The following QPCT variants were observed in gnomAD, a reference collection of about 807,000 sequenced individuals.
QPCT encodes glutaminyl-peptide cyclotransferase, also known as EC.
QPCT carries 44 observed loss-of-function variants against 43.4 expected under a neutral mutation model. The ratio of observed to expected loss-of-function variants is 1.01; its 90% CI spans 0.80 to 1.30. The LOEUF (loss-of-function observed/expected upper bound fraction) is 1.30, where lower values mean the gene tolerates loss of function less well. Among genes scored for constraint, QPCT ranks in the 50% most tolerant of loss-of-function variants. The pLI, the probability that QPCT is intolerant of heterozygous loss-of-function variation, is 0.00. For synonymous variants in QPCT, 168 were observed against 168.4 expected, an observed-to-expected ratio of 1.00 and a Z score of 0.02; for missense variants, 526 against 436.5, an observed-to-expected ratio of 1.21 and a Z score of -1.83.
At chr2:37,372,055 G>T (rs754111779) in intron 5 of QPCT, among the ~76,000 whole-genome samples, 4 of 152,068 alleles carry the variant, frequency 2.6e-5, no homozygotes, top group African/African-American at 9.7e-5. Context: ...CCACCCACCT[G>T]TCCTCTGTTT....
At chr2:37,345,835 CAAAAA>C (rs70949752) in intron 1 of QPCT, among the ~76,000 whole-genome samples, 1 of 82,600 alleles carries the variant, frequency 1.2e-5, no homozygotes. Flanking sequence ...GACTCCGTCT[CAAAAA>C]AAAAAAAAAA....
chr2:37,364,489 G>A (rs144276729), intron 3 of QPCT, among the ~76,000 whole-genome samples: 10 of 152,314 alleles, frequency 6.6e-5, no homozygotes, highest in African/African-American at 2.4e-4. Flanking sequence ...TGTCTGGAAC[G>A]CTTGACCACA....
intron 3 of QPCT, chr2:37,366,981 A>G (rs1672977110): frequency 2.5e-6 from 1 of 406,702 alleles, no homozygotes; most frequent in African/African-American, 2.1e-5. Flanking sequence ...TGTGAGGAGT[A>G]AGAAAAAATA....
chr2:37,367,185 A>G (rs370976773), intron 3 of QPCT, 47 bp from the exon 4 acceptor site: 118 of 1,529,464 alleles, frequency 7.7e-5, no homozygotes, highest in Non-Finnish European at 1.0e-4. Flanking sequence ...GCTATTTTTC[A>G]TCATCACAGT....
intron 2 of QPCT, 36 bp from the exon 3 acceptor site, chr2:37,359,544 T>C: frequency 6.4e-7 from 1 of 1,570,052 alleles, no homozygotes; most frequent in Non-Finnish European, 8.6e-7. Context: ...AGCCATTTCT[T>C]TAGATCTAAA....
At chr2:37,348,335 G>T (rs1264749937) in intron 1 of QPCT, among the ~76,000 whole-genome samples, 1 of 152,158 alleles carries the variant, frequency 6.6e-6, no homozygotes, top group African/African-American at 2.4e-5. Context: ...GCACGGCTCT[G>T]CTTTTAAGTA....
chr2:37,365,870 A>G (rs1035578972), intron 3 of QPCT, among the ~76,000 whole-genome samples: 1 of 152,236 alleles, frequency 6.6e-6, no homozygotes, highest in African/African-American at 2.4e-5. Context: ...ATGACTTGCC[A>G]GTCAACATGA....
At chr2:37,350,979 G>C (rs1357051681) in intron 1 of QPCT, among the ~76,000 whole-genome samples, 2 of 152,200 alleles carry the variant, frequency 1.3e-5, no homozygotes, top group African/African-American at 4.8e-5. Context: ...GGGGTGCTGA[G>C]TTGAGAGGCT....
chr2:37,358,949 A>G (rs1672805689), intron 2 of QPCT: 1 of 152,410 alleles, frequency 6.6e-6, no homozygotes, highest in African/African-American at 2.4e-5. Flanking sequence ...GGACTTGGAC[A>G]CATGTTATGC....
chr2:37,347,170 TATATATATAACATATATATATAAC>T (rs1672512927), intron 1 of QPCT, among the ~76,000 whole-genome samples: 2 of 52,850 alleles, frequency 3.8e-5, no homozygotes, highest in African/African-American at 1.7e-4. Context: ...ATATAACATA[TATATATATAACATATATATATAAC>T]ATATATATAT....
intron 2 of QPCT, 143 bp from the exon 3 acceptor site, chr2:37,359,433 TATTA>T: frequency 2.7e-6 from 2 of 737,134 alleles, no homozygotes; most frequent in South Asian, 3.9e-5. Flanking sequence ...ACAAAGCAAT[TATTA>T]ATTGCAATAA....
At position 37,372,492 on chromosome 2, in the gene QPCT, GTGTT is replaced by G. The variant is rs748266101; in HGVS notation, c.940+24_940+27del. Reference sequence around the variant, plus strand: ...GAAGAGGTAATGTGTGTGTGTGTGTGTGTTTGTGTGTGTGTGCGTGCACAGCCTG... The same window carrying G: ...GAAGAGGTAATGTGTGTGTGTGTGTGTGTGTGTGTGTGCGTGCACAGCCTG... On this transcript the variant is annotated intron_variant, in intron 6 of 6. Coordinates refer to ENST00000338415, the MANE Select transcript of QPCT (RefSeq NM_012413.4). The G allele has an allele frequency of 1.9e-5, 30 of 1,561,040 alleles. No homozygotes were observed. The highest frequency in any genetic ancestry group is 2.3e-5 in the Non-Finnish European group (26 of 1,132,144).
chr2:37,352,931 G>T lies in QPCT; in HGVS notation c.263G>T (p.Arg88Leu). The part of the protein sequence containing the change: ...YPGSPGSYAA[R>L]QHIMQRIQRL... The stretch of plus-strand genomic sequence containing the variant: ...GGATCCCCTGGAAGCTATGCTGCTC[G>T]TCAGGTGAGAACATGGGACACAAAC... Residue 88 changes from arginine (R) to leucine (L), a missense_variant, in exon 2 of 7, where the codon CGT becomes CTT. Coordinates refer to ENST00000338415, the MANE Select transcript of QPCT (RefSeq NM_012413.4). The T allele has an allele frequency of 1.9e-6, 3 of 1,613,030 alleles. No individual in the cohort carries two copies. In the South Asian group the frequency reaches 3.3e-5, roughly 18 times the overall value.
chr2:37,354,824 C>T (rs1412865636), intron 2 of QPCT, among the ~76,000 whole-genome samples: 1 of 149,544 alleles, frequency 6.7e-6, no homozygotes, highest in Non-Finnish European at 1.5e-5. Context: ...TCAACTCAAC[C>T]TTTTTTTTTT....
At chr2:37,359,215 T>C (rs1045993329) in intron 2 of QPCT, among the ~76,000 whole-genome samples, 10 of 152,176 alleles carry the variant, frequency 6.6e-5, no homozygotes, top group Admixed American at 2.6e-4. Flanking sequence ...CAAAAACATA[T>C]GCCCCTCTGC....
At chr2:37,356,228 G>T (rs1352339299) in intron 2 of QPCT, among the ~76,000 whole-genome samples, 1 of 152,124 alleles carries the variant, frequency 6.6e-6, no homozygotes, top group African/African-American at 2.4e-5. Context: ...AGACTATCTT[G>T]TAACAGCCTC....
rs146328791 is a variant in QPCT, at chr2:37,372,238, A to C, written c.824-118A>C. On this transcript the variant is annotated intron_variant, in intron 5 of 6. Transcript: ENST00000338415. ...GTGTGGCCATGCTTGCTGTTGCATA[A>C]TCTTTTACAAATTATGGACACATGT... 9.2e-5 allele frequency: 72 copies of C among 778,878 alleles called. 1 individual carries two copies. The Middle Eastern group carries it at 2.6e-3, about 29-fold the overall frequency. The allele number at this position is 778,878 out of a possible 1,614,324, so 48.2% of individuals were successfully genotyped here. A position where few individuals can be genotyped will look rare whatever the true frequency, so the allele number is the denominator to read the frequency against.
chr2:37,372,307 T>C (rs943186182), intron 5 of QPCT, 49 bp from the exon 6 acceptor site: 2 of 1,292,962 alleles, frequency 1.5e-6, no homozygotes, highest in African/African-American at 2.9e-5. Flanking sequence ...TTATGAGTCT[T>C]GATAAGATAA....
At chr2:37,358,198 A>G (rs1436304488) in intron 2 of QPCT, among the ~76,000 whole-genome samples, 2 of 151,950 alleles carry the variant, frequency 1.3e-5, no homozygotes, top group African/African-American at 4.8e-5. Context: ...GGATCACTTG[A>G]GCCCAGGAGT....
Sources: allele counts gnomAD v4.1 joint callset (sites outside exome capture counted in the v4.1 genomes callset), GRCh38; gene constraint gnomAD v4.1.1; transcripts MANE v1.5; gene names NCBI Gene and HGNC (gene_info 2026-07-23, HGNC 2026-07-21).